Variants in FAM171A1 observed in about 807,000 individuals in gnomAD.
FAM171A1 encodes the protein protein FAM171A1.
Under a neutral mutation model 74.9 loss-of-function variants are expected in FAM171A1, and 23 were observed. The observed-to-expected ratio is 0.31, with a 90% CI of 0.22 to 0.44. FAM171A1 has a LOEUF of 0.44. FAM171A1 is among the 20% of genes least tolerant of loss of function. The pLI, the probability that FAM171A1 is intolerant of heterozygous loss-of-function variation, is 1.00. For missense variants in FAM171A1, 1,162 were observed against 1,159.2 expected (o/e 1.00, Z -0.03); for synonymous variants, 527 against 505.7 (o/e 1.04, Z -0.57).
At chr10:15,252,919 G>A (rs1834528329) in intron 4 of FAM171A1, among the ~76,000 whole-genome samples, 2 of 152,240 alleles carry the variant, frequency 1.3e-5, no homozygotes, top group African/African-American at 4.8e-5. Flanking sequence ...CGAGCACGGA[G>A]GCTGTCCCTC....
chr10:15,324,463 T>G (rs1159303135), intron 1 of FAM171A1, among the ~76,000 whole-genome samples: 1 of 152,180 alleles, frequency 6.6e-6, no homozygotes, highest in Non-Finnish European at 1.5e-5. Context: ...ATCGTGAATA[T>G]TCCAAATTTT....
chr10:15,294,776 A>G (rs2131821001), intron 1 of FAM171A1, among the ~76,000 whole-genome samples: 1 of 152,360 alleles, frequency 6.6e-6, no homozygotes, highest in Non-Finnish European at 1.5e-5. Context: ...TCCTCTAAGT[A>G]GCGAGTTAAG....
At chr10:15,348,183 T>C (rs1835838769) in intron 1 of FAM171A1, among the ~76,000 whole-genome samples, 1 of 152,104 alleles carries the variant, frequency 6.6e-6, no homozygotes. Context: ...TTCACCATGT[T>C]GGCCAGGCTC....
At chr10:15,253,919 G>A (rs887177659) in intron 4 of FAM171A1, among the ~76,000 whole-genome samples, 8 of 152,292 alleles carry the variant, frequency 5.3e-5, no homozygotes, top group South Asian at 2.1e-4. Context: ...GAAGGTACCC[G>A]TCTTGGGTCT....
chr10:15,339,901 CAA>C (rs1017584755), intron 1 of FAM171A1, among the ~76,000 whole-genome samples: 2 of 152,112 alleles, frequency 1.3e-5, no homozygotes, highest in Non-Finnish European at 2.9e-5. Flanking sequence ...TGGTGGCAGA[CAA>C]GAGAGAATGA....
Position 15,213,104 on chromosome 10 carries a change from C to T in FAM171A1, c.2484G>A (p.Leu828=). 2 of 1,613,562 alleles carry T rather than the reference C, an allele frequency of 1.2e-6. No homozygotes were observed. The highest frequency in any genetic ancestry group is 1.7e-6 in the Non-Finnish European group (2 of 1,179,720). Reference sequence around the variant, plus strand: ...TGGTCGTCTCCTCCTGCAGGCTGGGCAGCTGGCCACCACTTCTCCGACTCG... The same window carrying T: ...TGGTCGTCTCCTCCTGCAGGCTGGGTAGCTGGCCACCACTTCTCCGACTCG... The part of the protein sequence containing the change: ...EGSSRRSGGQ[L]PSLQEETTRR... Residue 828 remains leucine (L), a synonymous_variant, in exon 8 of 8, where the codon CTG becomes CTA. Transcript: ENST00000378116. The surrounding 1 kb of genome is among the most constrained non-coding windows in gnomAD (Gnocchi z 6.8).
chr10:15,339,389 C>T (rs1347121247), intron 1 of FAM171A1, among the ~76,000 whole-genome samples: 4 of 152,196 alleles, frequency 2.6e-5, no homozygotes, highest in African/African-American at 9.7e-5. Flanking sequence ...ATTACAGCGC[C>T]TTAGCTCCTC....
intron 5 of FAM171A1, among the ~76,000 whole-genome samples, chr10:15,223,993 C>A (rs560484915): frequency 1.3e-5 from 2 of 152,360 alleles, no homozygotes; most frequent in East Asian, 3.9e-4. Flanking sequence ...CCCCACCAGA[C>A]TAATGAGTCC....
chr10:15,214,204 C>T lies in FAM171A1; in HGVS notation c.1384G>A (p.Glu462Lys). 6.2e-7 allele frequency: 1 copy of T among 1,614,172 alleles called. No individual in the cohort carries two copies. The highest frequency in any genetic ancestry group is 1.1e-5 in the South Asian group (1 of 91,080). ...TLGKDYHKSV[E>K]VFPLKARKSM... ...TTTCTTGCCTTTAAGGGAAAAACCT[C>T]CACTGACTTATGGTAGTCTTTCCCC... The change falls in exon 8 of 8, where the codon GAG (glutamate) becomes AAG (lysine). Residue 462 changes from glutamate (E) to lysine (K), a missense_variant. Glu to Lys is a moderately conservative substitution (Grantham distance 56). Transcript: ENST00000378116.
intron 1 of FAM171A1, among the ~76,000 whole-genome samples, chr10:15,302,953 C>A (rs993804906): frequency 2.1e-4 from 32 of 152,178 alleles, no homozygotes; most frequent in Non-Finnish European, 4.4e-4. Flanking sequence ...CTTTGGGAGG[C>A]CGAGGTAGGC....
At chr10:15,252,420 G>A (rs571186286) in intron 4 of FAM171A1, among the ~76,000 whole-genome samples, 1 of 152,298 alleles carries the variant, frequency 6.6e-6, no homozygotes, top group African/African-American at 2.4e-5. Context: ...TTCGGGAGAT[G>A]AACTTGTGTC....
At chr10:15,266,059 T>C (rs1298934068) in intron 3 of FAM171A1, among the ~76,000 whole-genome samples, 2 of 152,160 alleles carry the variant, frequency 1.3e-5, no homozygotes, top group East Asian at 1.9e-4. Flanking sequence ...CCTGTAACAC[T>C]GGGCCATGAG....
At chr10:15,347,753 T>G (rs1835832885) in intron 1 of FAM171A1, among the ~76,000 whole-genome samples, 1 of 144,870 alleles carries the variant, frequency 6.9e-6, no homozygotes, top group African/African-American at 2.6e-5. Context: ...GAGAATCACT[T>G]GAACCCAGGA....
intron 4 of FAM171A1, among the ~76,000 whole-genome samples, chr10:15,250,486 G>A (rs1341364585): frequency 6.6e-6 from 1 of 152,248 alleles, no homozygotes; most frequent in Non-Finnish European, 1.5e-5. Context: ...AGCTGGCCAG[G>A]CGCAGTGGCG....
intron 1 of FAM171A1, among the ~76,000 whole-genome samples, chr10:15,347,680 A>G (rs1259056171): frequency 6.6e-6 from 1 of 151,858 alleles, no homozygotes; most frequent in East Asian, 1.9e-4. Flanking sequence ...TACTAAAAAT[A>G]CAAAAATTAG....
chr10:15,228,094 T>C (rs1834132414), intron 5 of FAM171A1, among the ~76,000 whole-genome samples: 1 of 152,182 alleles, frequency 6.6e-6, no homozygotes, highest in Non-Finnish European at 1.5e-5. Flanking sequence ...CAATGTCTAA[T>C]TTGAATATGG....
chr10:15,306,555 G>A (rs11259602), intron 1 of FAM171A1, among the ~76,000 whole-genome samples: 4,679 of 152,022 alleles, frequency 0.031, 102 homozygotes, highest in Non-Finnish European at 0.045. Context: ...TAGTATAGAC[G>A]GGGTTTCACC....
intron 1 of FAM171A1, among the ~76,000 whole-genome samples, chr10:15,313,820 T>A (rs1289879156): frequency 1.3e-5 from 2 of 152,216 alleles, no homozygotes; most frequent in African/African-American, 4.8e-5. Flanking sequence ...GCTTTAAGGT[T>A]TGCAAGAGTG....
intron 3 of FAM171A1, among the ~76,000 whole-genome samples, chr10:15,257,636 T>C (rs1479014767): frequency 2.0e-5 from 3 of 151,868 alleles, no homozygotes; most frequent in Non-Finnish European, 4.4e-5. Flanking sequence ...CAGATCCTCA[T>C]GGAAAGGATA....
Sources: allele counts gnomAD v4.1 joint callset (sites outside exome capture counted in the v4.1 genomes callset), GRCh38; gene constraint gnomAD v4.1.1; non-coding constraint Gnocchi (gnomAD v3.1); transcripts MANE v1.5; gene names NCBI Gene and HGNC (gene_info 2026-07-23, HGNC 2026-07-21).